Variants in SLC12A7 observed in about 807,000 individuals in gnomAD.
SLC12A7 encodes the protein K-Cl cotransporter 4.
SLC12A7 carries 100 observed loss-of-function variants against 120.6 expected under a neutral mutation model. The ratio of observed to expected loss-of-function variants is 0.83; its 90% confidence interval spans 0.71 to 0.98. SLC12A7 has a LOEUF of 0.98. SLC12A7 is among the 50% of genes least tolerant of loss of function. The pLI is 0.00. For missense variants in SLC12A7, 1,373 were observed against 1,548.1 expected (o/e 0.89, Z 1.90); for synonymous variants, 760 against 678.0 (o/e 1.12, Z -1.88).
chr5:1,115,745 C>T (rs1482653865), upstream of SLC12A7, among the ~76,000 whole-genome samples: 1 of 151,892 alleles, frequency 6.6e-6, no homozygotes, highest in African/African-American at 2.4e-5. Flanking sequence ...GGGCCGGGCA[C>T]CCACCCAGGT....
upstream of SLC12A7, among the ~76,000 whole-genome samples, chr5:1,116,395 G>A (rs946052279): frequency 1.3e-5 from 2 of 152,204 alleles, no homozygotes; most frequent in Admixed American, 6.5e-5. Context: ...AGCCTCCCCC[G>A]GGTCCTGTGC....
chr5:1,080,654 G>A (rs1383403625), intron 9 of SLC12A7, among the ~76,000 whole-genome samples: 1 of 152,232 alleles, frequency 6.6e-6, no homozygotes, highest in Non-Finnish European at 1.5e-5. Context: ...GGGGGCGTGT[G>A]TGTGCGACTC....
chr5:1,086,750 A>G (rs1419885969), intron 6 of SLC12A7, among the ~76,000 whole-genome samples, 153 bp downstream of exon 6: 1 of 152,222 alleles, frequency 6.6e-6, no homozygotes, highest in Admixed American at 6.5e-5. Context: ...GGCTTCCGCC[A>G]TGGCCAGAGC....
chr5:1,128,855 C>G, the SLC12A7 span, among the ~76,000 whole-genome samples: 2 of 152,204 alleles, frequency 1.3e-5, no homozygotes, highest in Non-Finnish European at 2.9e-5. Flanking sequence ...CACATATGTG[C>G]ACACACATGC....
chr5:1,053,285 G>T, intron 23 of SLC12A7, 64 bp downstream of exon 23: 3 of 1,568,316 alleles, frequency 1.9e-6, no homozygotes, highest in African/African-American at 1.3e-5. Flanking sequence ...ACAAACCCAG[G>T]TCTTAGCGAG....
At chr5:1,074,762 G>C in intron 15 of SLC12A7, 91 bp from the exon 16 acceptor site, 2 of 1,158,552 alleles carry the variant, frequency 1.7e-6, no homozygotes, top group Non-Finnish European at 2.5e-6. Context: ...CAGGTGAGTT[G>C]GGGCAAACAG....
intron 9 of SLC12A7, among the ~76,000 whole-genome samples, chr5:1,081,229 G>A (rs539828359): frequency 1.3e-5 from 2 of 152,320 alleles, no homozygotes; most frequent in East Asian, 3.9e-4. Flanking sequence ...CACTTTGGGA[G>A]GCTGAGGATG....
At chr5:1,143,571 T>C in the SLC12A7 span, among the ~76,000 whole-genome samples, 3 of 152,202 alleles carry the variant, frequency 2.0e-5, no homozygotes, top group African/African-American at 2.4e-5. Context: ...TACAGTCCCG[T>C]TGGGGCTGGG....
At chr5:1,118,910 C>A in the SLC12A7 span, among the ~76,000 whole-genome samples, 1 of 152,168 alleles carries the variant, frequency 6.6e-6, no homozygotes, top group Admixed American at 6.5e-5. Flanking sequence ...GCAGAGCTGG[C>A]GCTGACATCA....
intron 10 of SLC12A7, 130 bp from the exon 11 acceptor site, chr5:1,078,888 G>A: frequency 2.8e-6 from 2 of 722,328 alleles, no homozygotes; most frequent in Non-Finnish European, 4.9e-6. Context: ...GGTGGGCGGG[G>A]ACCGTTCTGC....
chr5:1,116,222 G>T (rs1199098050), upstream of SLC12A7, among the ~76,000 whole-genome samples: 2 of 152,200 alleles, frequency 1.3e-5, no homozygotes, highest in African/African-American at 2.4e-5. Context: ...CTGTCCCAAG[G>T]GTTCTGCAAA....
chr5:1,069,921 C>T (rs1047747262), intron 17 of SLC12A7, among the ~76,000 whole-genome samples: 2 of 152,108 alleles, frequency 1.3e-5, no homozygotes, highest in African/African-American at 4.8e-5. Flanking sequence ...ACGCCCGGGG[C>T]ACTCACCCGT....
chr5:1,083,619 A>G, intron 8 of SLC12A7, 126 bp downstream of exon 8: 1 of 962,614 alleles, frequency 1.0e-6, no homozygotes, highest in Non-Finnish European at 1.6e-6. Flanking sequence ...AGCAGCTGGG[A>G]AGGGGCTCGG....
the SLC12A7 span, among the ~76,000 whole-genome samples, chr5:1,125,126 G>T: frequency 6.6e-6 from 1 of 152,218 alleles, no homozygotes; most frequent in African/African-American, 2.4e-5. Flanking sequence ...TGAGAGAGGA[G>T]CTCTGACAGC....
rs756888966 is a variant in SLC12A7 at position 1,057,459 on chromosome 5, A to G, written c.3026+12T>C. ...GATCTGTTCCCCCCAGGCCACACGC[A>G]CGGACACTCACGGCTTCATGCTGAA... On this transcript the variant is annotated intron_variant, in intron 22 of 23. Coordinates refer to ENST00000264930, the MANE Select transcript of SLC12A7 (RefSeq NM_006598.3). 1 of 1,604,078 alleles carries G rather than the reference A, an allele frequency of 6.2e-7. No homozygotes were observed. Among genetic ancestry groups the G allele is most frequent in the African/African-American group, 1.3e-5 (1 of 74,804 alleles).
chr5:1,114,909 G>A (rs1044201729), upstream of SLC12A7, among the ~76,000 whole-genome samples: 2 of 152,224 alleles, frequency 1.3e-5, no homozygotes, highest in Non-Finnish European at 2.9e-5. Context: ...TGGAGGGAGA[G>A]GCTCATCTTG....
the SLC12A7 span, among the ~76,000 whole-genome samples, chr5:1,155,772 C>G: frequency 6.6e-6 from 1 of 150,638 alleles, no homozygotes; most frequent in South Asian, 2.1e-4. Flanking sequence ...GTCGGGGGCC[C>G]GGCGGGGGCT....
At chr5:1,097,509 A>G (rs75415701) in intron 1 of SLC12A7, among the ~76,000 whole-genome samples, 12,133 of 152,260 alleles carry the variant, frequency 0.08, 1,033 homozygotes, top group East Asian at 0.23. Context: ...CTTAGAAAAC[A>G]TAACGATGTA....
In SLC12A7 at chr5:1,075,265, C is replaced by T. The variant is rs539632821; in HGVS notation, c.1967+106G>A. ...CAGCTGCCCCTGTGAGGGCACACGA[C>T]GCTCAAGCCCCAGGGAGGCCCCTCC... On this transcript the variant is annotated intron_variant, in intron 15 of 23. Coordinates refer to ENST00000264930, the MANE Select transcript of SLC12A7 (RefSeq NM_006598.3). 18 of 1,463,030 alleles carry T rather than the reference C, an allele frequency of 1.2e-5. No homozygotes were observed. The Admixed American group carries it at 1.6e-4, about 13-fold the overall frequency. 90.6% of individuals were successfully genotyped at this position (1,463,030 alleles called of 1,614,324 possible). A position where few individuals can be genotyped will look rare whatever the true frequency, so the allele number is the denominator to read the frequency against.
Sources: allele counts gnomAD v4.1 joint callset (sites outside exome capture counted in the v4.1 genomes callset), GRCh38; gene constraint gnomAD v4.1.1; transcripts MANE v1.5; gene names NCBI Gene and HGNC (gene_info 2026-07-23, HGNC 2026-07-21).